LRRC49: variants seen among roughly 807,000 people sequenced by gnomAD.
The protein encoded by LRRC49 is leucine rich repeat containing 49.
LRRC49 carries 50 observed loss-of-function variants against 83.3 expected under a neutral mutation model. That is an observed-to-expected ratio of 0.60 (90% CI 0.48 to 0.76). The LOEUF (loss-of-function observed/expected upper bound fraction) is 0.76, where lower values mean the gene tolerates loss of function less well. LRRC49 is among the 30% of genes least tolerant of loss of function. The probability of loss-of-function intolerance (pLI) is 0.00; values close to 1 mark genes in which losing one functional copy is unlikely to be tolerated. For missense variants in LRRC49, 704 were observed against 809.1 expected (o/e 0.87, Z 1.58); for synonymous variants, 286 against 283.3 (o/e 1.01, Z -0.10).
chr15:71,035,657 C>T (rs1047405936), intron 14 of LRRC49, among the ~76,000 whole-genome samples: 1 of 152,090 alleles, frequency 6.6e-6, no homozygotes, highest in African/African-American at 2.4e-5. Context: ...TCATTCATGT[C>T]CCTGCAAAGG....
rs578035510 is a variant in LRRC49, at chr15:70,879,825, C to G, written c.18+6602C>G. On this transcript the variant is annotated intron_variant, in intron 2 of 16. Transcript: ENST00000544974. ...ACATTCACATACTCTTGACATGTCT[C>G]TCTTCTCTCACCTAAAGTCCAATGA... 3.7e-4 allele frequency among the ~76,000 whole-genome samples: 56 copies of G among 152,292 alleles called. 1 individual carries two copies. Among genetic ancestry groups the G allele is most frequent in the African/African-American group, 1.2e-3 (49 of 41,558 alleles).
chr15:70,998,574 T>C (rs2038152831), intron 11 of LRRC49, among the ~76,000 whole-genome samples: 1 of 152,118 alleles, frequency 6.6e-6, no homozygotes, highest in Non-Finnish European at 1.5e-5. Flanking sequence ...CCTTGTCCAT[T>C]ATGAGTAACT....
chr15:70,859,517 G>A, intron 1 of LRRC49: 1 of 683,948 alleles, frequency 1.5e-6, no homozygotes, highest in South Asian at 1.4e-5. Context: ...GCAGTAGGAG[G>A]AGATTGCCAA....
intron 7 of LRRC49, among the ~76,000 whole-genome samples, chr15:70,927,455 G>A (rs2035244146): frequency 6.6e-6 from 1 of 151,822 alleles, no homozygotes; most frequent in Non-Finnish European, 1.5e-5. Flanking sequence ...CAGTGTTTTT[G>A]ATATGTAGAA....
chr15:70,896,569 A>C (rs1039659695), intron 3 of LRRC49, among the ~76,000 whole-genome samples: 1 of 152,106 alleles, frequency 6.6e-6, no homozygotes, highest in Non-Finnish European at 1.5e-5. Context: ...TATATTTCTG[A>C]AATATATTTT....
At chr15:70,936,655 G>A in intron 7 of LRRC49, 106 bp from the exon 8 acceptor site, 2 of 700,036 alleles carry the variant, frequency 2.9e-6, no homozygotes, top group Middle Eastern at 3.8e-4. Context: ...ATGTAGCAAT[G>A]TTGCAGTAAA....
chr15:70,925,030 A>G (rs938304365), intron 7 of LRRC49, among the ~76,000 whole-genome samples: 1 of 151,970 alleles, frequency 6.6e-6, no homozygotes, highest in Non-Finnish European at 1.5e-5. Context: ...TAGGTGTGGA[A>G]CTATCTTATT....
Position 71,037,214 on chromosome 15 carries a change from G to T in LRRC49, c.1739G>T (p.Gly580Val). 1 of 1,609,754 alleles carries T rather than the reference G, an allele frequency of 6.2e-7. No homozygotes were observed. Among genetic ancestry groups the T allele is most frequent in the South Asian group, 1.1e-5 (1 of 90,488 alleles). ...TTTCGGTATCTACTAGAATCCAAAG[G>T]AAAAAAACCTGGTATTATCAACGAA... ...KQFRYLLESKGKKPGIINEEN... is the reference protein window; with the variant it reads ...KQFRYLLESKVKKPGIINEEN... The change falls in exon 15 of 16, where the codon GGA becomes GTA. Residue 580 changes from glycine to valine, a missense_variant. This residue lies in a region of LRRC49 where 275 missense variants were observed against 338.0 expected (regional missense o/e 0.81). Coordinates refer to ENST00000260382, the MANE Select transcript of LRRC49 (RefSeq NM_017691.5).
intron 8 of LRRC49, among the ~76,000 whole-genome samples, chr15:70,940,635 G>A (rs2035780495): frequency 1.3e-5 from 2 of 152,172 alleles, no homozygotes; most frequent in African/African-American, 2.4e-5. Context: ...GATTGCAAGT[G>A]TCACTTACAT....
intron 14 of LRRC49, among the ~76,000 whole-genome samples, chr15:71,023,579 G>A (rs1482396400): frequency 6.6e-6 from 1 of 151,890 alleles, no homozygotes; most frequent in Non-Finnish European, 1.5e-5. Flanking sequence ...ACAGGGTGGT[G>A]CGATGGCCCA....
chr15:70,943,323 A>G (rs1409028542), intron 8 of LRRC49, among the ~76,000 whole-genome samples: 2 of 152,194 alleles, frequency 1.3e-5, no homozygotes, highest in African/African-American at 2.4e-5. Flanking sequence ...ACTGAGGGGC[A>G]TAAGGCAAAA....
rs542129689 is a variant in LRRC49, at chr15:70,961,934, C to A, written c.774-1851C>A. Among the ~76,000 whole-genome samples the A allele has an allele frequency of 4.6e-5, 7 of 152,258 alleles. No individual in the cohort carries two copies. The East Asian group carries it at 1.4e-3, about 29-fold the overall frequency. On this transcript the variant is annotated intron_variant, in intron 8 of 15. Transcript: ENST00000260382. ...GTTTAGAGGATCTCAGAAAGGAATGCAGACCGACAAGAGAATCTAACTGTA... is the reference window on the plus strand; with the variant it reads ...GTTTAGAGGATCTCAGAAAGGAATGAAGACCGACAAGAGAATCTAACTGTA...
At chr15:70,883,802 C>T (rs2033331275) in intron 2 of LRRC49, among the ~76,000 whole-genome samples, 1 of 151,776 alleles carries the variant, frequency 6.6e-6, no homozygotes, top group Admixed American at 6.6e-5. Flanking sequence ...TTACAGGTGC[C>T]TGCCACCATG....
chr15:71,008,789 G>A (rs1217105814), intron 12 of LRRC49, among the ~76,000 whole-genome samples, 173 bp downstream of exon 12: 1 of 151,796 alleles, frequency 6.6e-6, no homozygotes, highest in South Asian at 2.1e-4. Context: ...AAATGGCCTT[G>A]AAGTTTTATG....
intron 1 of LRRC49, chr15:70,854,197 T>A: frequency 1.3e-6 from 1 of 751,632 alleles, no homozygotes; most frequent in Non-Finnish European, 1.7e-6. Context: ...CGCCTGCCGC[T>A]CGGCCCAGGG....
At position 70,870,736 on chromosome 15, in the gene LRRC49, C is replaced by G. The variant is rs1244691779; in HGVS notation, c.-298-2172C>G. ...AACTCCTGACCTCAGGTGATTTGCC[C>G]GCCTAGGCCGCCCAAAGTGTTGGGA... On this transcript the variant is annotated intron_variant, in intron 1 of 16. Transcript: ENST00000544974. 2.0e-5 allele frequency among the ~76,000 whole-genome samples: 3 copies of G among 152,142 alleles called. No homozygotes were observed. The East Asian group carries it at 5.8e-4, about 29-fold the overall frequency.
At chr15:70,925,122 ATGT>A (rs2035148808) in intron 7 of LRRC49, among the ~76,000 whole-genome samples, 1 of 152,108 alleles carries the variant, frequency 6.6e-6, no homozygotes, top group Non-Finnish European at 1.5e-5. Context: ...GCTTAAATCA[ATGT>A]TATACAGGCT....
intron 8 of LRRC49, among the ~76,000 whole-genome samples, chr15:70,961,970 A>G (rs1223967889): frequency 6.6e-6 from 1 of 152,230 alleles, no homozygotes. Context: ...TTAAAAATGT[A>G]TGAAACAACC....
At chr15:70,898,559 G>A in intron 3 of LRRC49, 1 of 562,466 alleles carries the variant, frequency 1.8e-6, no homozygotes, top group Non-Finnish European at 3.1e-6. Context: ...TGGATTGCTT[G>A]AGCCCAGGAG....
Sources: allele counts gnomAD v4.1 joint callset (sites outside exome capture counted in the v4.1 genomes callset), GRCh38; gene constraint gnomAD v4.1.1; regional missense constraint gnomAD v4.1.1; transcripts MANE v1.5; gene names NCBI Gene and HGNC (gene_info 2026-07-23, HGNC 2026-07-21).